Variants in FAM13A observed in about 807,000 individuals in gnomAD.
The protein encoded by FAM13A is protein FAM13A.
A neutral mutation model predicts 129.6 loss-of-function variants in FAM13A; 76 were observed. The ratio of observed to expected loss-of-function variants is 0.59; its 90% CI spans 0.49 to 0.71. The LOEUF is 0.71. Ranked by LOEUF, FAM13A falls within the 30% of genes least tolerant of loss-of-function variation. The pLI is 0.00. For synonymous variants in FAM13A, 443 were observed against 449.9 expected (o/e 0.98, Z 0.20); for missense variants, 1,108 against 1,249.3 (o/e 0.89, Z 1.70).
intron 7 of FAM13A, among the ~76,000 whole-genome samples, chr4:88,831,423 A>G (rs1307167513): frequency 1.3e-5 from 2 of 152,206 alleles, no homozygotes; most frequent in Non-Finnish European, 2.9e-5. Flanking sequence ...TTAGTGTGAT[A>G]TGGTAACTGA....
rs550858109 is a variant in FAM13A, at chr4:88,897,684, T to C, written c.843+8695A>G. 2.6e-3 allele frequency among the ~76,000 whole-genome samples: 389 copies of C among 152,278 alleles called. 2 individuals carry two copies. Among genetic ancestry groups the C allele is most frequent in the Non-Finnish European group, 3.6e-3 (242 of 68,006 alleles). ...AATGGAGTACCATTAATACCAAGGA[T>C]AGGCATCACCCTCACAGCTCACTAA... On this transcript the variant is annotated intron_variant, in intron 6 of 23. Coordinates refer to ENST00000264344, the MANE Select transcript of FAM13A (RefSeq NM_014883.4).
At chr4:89,022,348 T>G (rs1209445439) in intron 2 of FAM13A, among the ~76,000 whole-genome samples, 1 of 152,204 alleles carries the variant, frequency 6.6e-6, no homozygotes, top group African/African-American at 2.4e-5. Flanking sequence ...AACACTATCA[T>G]TACCCTCATG....
intron 3 of FAM13A, among the ~76,000 whole-genome samples, chr4:89,015,575 C>T (rs1373382950): frequency 5.9e-5 from 9 of 152,166 alleles, no homozygotes; most frequent in Admixed American, 4.6e-4. Context: ...TATTAATCTG[C>T]CTGTGATAAA....
chr4:88,893,602 G>T (rs921683526), intron 6 of FAM13A, among the ~76,000 whole-genome samples: 1 of 149,552 alleles, frequency 6.7e-6, no homozygotes, highest in East Asian at 2.0e-4. Flanking sequence ...CAGCCTGGGC[G>T]ACAGAGCCAG....
At chr4:88,841,493 C>CAAAA (rs35396785) in intron 7 of FAM13A, among the ~76,000 whole-genome samples, 6 of 96,620 alleles carry the variant, frequency 6.2e-5, no homozygotes, top group East Asian at 2.9e-4. Context: ...GACTCTGTCT[C>CAAAA]AAAAAAAAAA....
intron 6 of FAM13A, chr4:88,855,497 G>A (rs558791646): frequency 6.8e-4 from 104 of 152,108 alleles, no homozygotes; most frequent in African/African-American, 2.2e-3. Flanking sequence ...AAATAAGATA[G>A]TAAAGTACTT....
intron 19 of FAM13A, among the ~76,000 whole-genome samples, chr4:88,742,527 A>G (rs564846579): frequency 6.6e-6 from 1 of 152,340 alleles, no homozygotes; most frequent in East Asian, 1.9e-4. Context: ...AAAGGTAAGA[A>G]TAACGACCTG....
chr4:88,930,679 C>T (rs754922009), intron 5 of FAM13A, among the ~76,000 whole-genome samples: 6 of 152,056 alleles, frequency 3.9e-5, no homozygotes, highest in Non-Finnish European at 8.8e-5. Context: ...CTCCTGGTGG[C>T]TTTCACAGAA....
At chr4:88,955,454 A>T (rs997364958) in intron 4 of FAM13A, among the ~76,000 whole-genome samples, 1 of 152,168 alleles carries the variant, frequency 6.6e-6, no homozygotes, top group Non-Finnish European at 1.5e-5. Context: ...CTTTATTAGC[A>T]GCGTGAGAAC....
chr4:88,927,341 T>G (rs1417899228), intron 5 of FAM13A, among the ~76,000 whole-genome samples: 2 of 151,622 alleles, frequency 1.3e-5, no homozygotes, highest in African/African-American at 4.8e-5. Flanking sequence ...AATCTAAGAG[T>G]TTTTTGGTGG....
chr4:88,817,680 G>T (rs13435497), intron 7 of FAM13A, among the ~76,000 whole-genome samples: 1 of 152,142 alleles, frequency 6.6e-6, no homozygotes, highest in Non-Finnish European at 1.5e-5. Context: ...ACAGACAAAT[G>T]TAAGTTTCAT....
At chr4:88,906,181 C>T (rs1748127853) in intron 6 of FAM13A, among the ~76,000 whole-genome samples, 198 bp downstream of exon 6, 1 of 152,084 alleles carries the variant, frequency 6.6e-6, no homozygotes, top group African/African-American at 2.4e-5. Context: ...CGAGCTACCC[C>T]AGAGGCTGAT....
chr4:89,033,842 T>A (rs1769013801), intron 1 of FAM13A, among the ~76,000 whole-genome samples: 1 of 152,168 alleles, frequency 6.6e-6, no homozygotes, highest in Non-Finnish European at 1.5e-5. Context: ...AGGGTCCCCA[T>A]TCAATAAATG....
At position 88,987,469 on chromosome 4, in the gene FAM13A, T is replaced by A. The variant is rs7676224; in HGVS notation, c.605+3504A>T. ...TTTAACTAACAAAGCAAACTAAGCA[T>A]CAACAAGTGTGAGACAACTTAACAT... On this transcript the variant is annotated intron_variant, in intron 4 of 23. Transcript: ENST00000264344. Among the ~76,000 whole-genome samples, 327 of 152,216 alleles carry A rather than the reference T, an allele frequency of 2.1e-3. 2 individuals are homozygous for A. Among genetic ancestry groups the A allele is most frequent in the African/African-American group, 7.7e-3 (318 of 41,506 alleles).
intron 18 of FAM13A, 101 bp downstream of exon 18, chr4:88,747,530 C>T: frequency 1.0e-6 from 1 of 961,676 alleles, no homozygotes; most frequent in Non-Finnish European, 1.6e-6. Flanking sequence ...GAAGGCTTAA[C>T]AAGGCATCAT....
chr4:88,927,982 C>T (rs185319239), intron 5 of FAM13A, among the ~76,000 whole-genome samples: 1 of 151,992 alleles, frequency 6.6e-6, no homozygotes, highest in East Asian at 1.9e-4. Flanking sequence ...CATTTAATGC[C>T]ACAAACTTCC....
chr4:88,790,735 T>C, intron 8 of FAM13A, 108 bp from the exon 9 acceptor site: 1 of 877,554 alleles, frequency 1.1e-6, no homozygotes, highest in South Asian at 1.5e-5. Flanking sequence ...CAGTCCCAAG[T>C]GATCCCCAAA....
intron 6 of FAM13A, among the ~76,000 whole-genome samples, chr4:88,898,555 AAAC>A (rs1746730608): frequency 6.6e-6 from 1 of 152,160 alleles, no homozygotes; most frequent in Non-Finnish European, 1.5e-5. Flanking sequence ...GCCATAAATT[AAAC>A]AATAAATAAT....
chr4:88,971,038 C>T (rs927113993), intron 4 of FAM13A, among the ~76,000 whole-genome samples: 2 of 152,176 alleles, frequency 1.3e-5, no homozygotes, highest in African/African-American at 2.4e-5. Context: ...GAAACCCCAT[C>T]TCTACTAAAA....
Sources: gnomAD v4.1 joint callset for allele counts (sites outside exome capture counted in the v4.1 genomes callset) on GRCh38, gnomAD v4.1.1 for gene constraint, MANE v1.5 for transcripts, NCBI Gene and HGNC (gene_info 2026-07-23, HGNC 2026-07-21) for gene names.